The following AFF3 variants were observed in gnomAD, a reference collection of about 807,000 sequenced individuals.
AFF3 encodes the protein AF4/FMR2 family member 3.
Under a neutral mutation model 129.7 loss-of-function variants are expected in AFF3, and 32 were observed. The ratio of observed to expected loss-of-function variants is 0.25; its 90% CI spans 0.19 to 0.33. The LOEUF is 0.33. Ranked by LOEUF, AFF3 falls within the 10% of genes least tolerant of loss-of-function variation. The pLI is 1.00. For synonymous variants in AFF3, 644 were observed against 635.4 expected, an observed-to-expected ratio of 1.01 and a Z score of -0.20; for missense variants, 1,373 against 1,592.0, an observed-to-expected ratio of 0.86 and a Z score of 2.34.
At chr2:100,100,582 C>G (rs1690652265) in intron 4 of AFF3, among the ~76,000 whole-genome samples, 1 of 152,124 alleles carries the variant, frequency 6.6e-6, no homozygotes, top group Admixed American at 6.5e-5. Flanking sequence ...TTCTGAATCA[C>G]CAGTGTTGAA....
chr2:99,870,539 C>T (rs11123802), intron 7 of AFF3, among the ~76,000 whole-genome samples: 76,494 of 152,022 alleles, frequency 0.5, 20,140 homozygotes, highest in African/African-American at 0.65. Flanking sequence ...GCAGACCCCA[C>T]CCCTGTGATC....
At chr2:99,772,476 C>G (rs1317963487) in intron 8 of AFF3, among the ~76,000 whole-genome samples, 1 of 152,204 alleles carries the variant, frequency 6.6e-6, no homozygotes, top group Non-Finnish European at 1.5e-5. Context: ...CAGCTCTTCT[C>G]AGGGAGAGAA....
At chr2:99,720,663 A>C (rs1678809124) in intron 11 of AFF3, among the ~76,000 whole-genome samples, 1 of 152,232 alleles carries the variant, frequency 6.6e-6, no homozygotes, top group Non-Finnish European at 1.5e-5. Context: ...GTTCAGGTTT[A>C]CTATTTTTCA....
chr2:100,071,997 T>A (rs1212200085), intron 4 of AFF3, among the ~76,000 whole-genome samples: 2 of 152,126 alleles, frequency 1.3e-5, no homozygotes, highest in Non-Finnish European at 1.5e-5. Context: ...AATGAAAGCA[T>A]CTCCAAAAAC....
intron 9 of AFF3, among the ~76,000 whole-genome samples, chr2:99,750,133 C>T (rs72817080): frequency 8.5e-4 from 130 of 152,098 alleles, no homozygotes; most frequent in Admixed American, 1.6e-3. Flanking sequence ...TGTAAAAGCA[C>T]ATAAAAAAGG....
At chr2:99,699,466 G>A (rs897567948) in intron 11 of AFF3, among the ~76,000 whole-genome samples, 7 of 152,340 alleles carry the variant, frequency 4.6e-5, no homozygotes, top group African/African-American at 1.7e-4. Context: ...TAAAAGTGGG[G>A]AGAGCAATTC....
At chr2:99,641,652 T>G (rs1397007960) in intron 13 of AFF3, among the ~76,000 whole-genome samples, 1 of 152,156 alleles carries the variant, frequency 6.6e-6, no homozygotes, top group African/African-American at 2.4e-5. Context: ...TACTCCAGCC[T>G]GGGCAACAGA....
At chr2:100,071,022 A>C (rs1243126284) in intron 4 of AFF3, among the ~76,000 whole-genome samples, 1 of 152,204 alleles carries the variant, frequency 6.6e-6, no homozygotes, top group Non-Finnish European at 1.5e-5. Flanking sequence ...TAATATATAA[A>C]AGGACGTGAC....
In AFF3 at chr2:99,714,693, C is replaced by T. The variant is rs376484683; in HGVS notation, c.1091+12384G>A. Among the ~76,000 whole-genome samples, 9 of 152,308 alleles carry T rather than the reference C, an allele frequency of 5.9e-5. No individual in the cohort carries two copies. In the East Asian group the frequency reaches 9.6e-4, roughly 16 times the overall value. On this transcript the variant is annotated intron_variant, in intron 11 of 24. Coordinates refer to ENST00000672756, the MANE Select transcript of AFF3 (RefSeq NM_001386135.1). ...TCTCAAATCGACCTTGATCTCTCAA[C>T]TTCCAGACACTACTCTATGATCAGT...
At chr2:99,695,514 G>T (rs1245663418) in intron 11 of AFF3, among the ~76,000 whole-genome samples, 1 of 152,096 alleles carries the variant, frequency 6.6e-6, no homozygotes, top group Non-Finnish European at 1.5e-5. Flanking sequence ...CCCTTAAACT[G>T]CAGGGGAAAA....
intron 13 of AFF3, among the ~76,000 whole-genome samples, chr2:99,642,406 C>G (rs1412771335): frequency 6.6e-6 from 1 of 152,058 alleles, no homozygotes; most frequent in East Asian, 1.9e-4. Context: ...GGCATGAACA[C>G]CTCTTTGAGC....
intron 7 of AFF3, among the ~76,000 whole-genome samples, chr2:99,953,551 G>C (rs1676358373): frequency 6.6e-6 from 1 of 152,210 alleles, no homozygotes; most frequent in Non-Finnish European, 1.5e-5. Flanking sequence ...ACAAGTCTTA[G>C]AAGATTGTGG....
chr2:99,707,711 T>C (rs956209709), intron 11 of AFF3: 17 of 958,472 alleles, frequency 1.8e-5, no homozygotes, highest in Non-Finnish European at 1.9e-5. Flanking sequence ...TTTTTTTTTT[T>C]TTCTTTTTTT....
At chr2:100,017,234 T>C (rs1323299727) in intron 4 of AFF3, among the ~76,000 whole-genome samples, 1 of 152,130 alleles carries the variant, frequency 6.6e-6, no homozygotes, top group Non-Finnish European at 1.5e-5. Context: ...GTAATTTCAG[T>C]TCTCATGAAT....
chr2:100,090,551 G>GT (rs1342995120), intron 4 of AFF3, among the ~76,000 whole-genome samples: 1 of 152,162 alleles, frequency 6.6e-6, no homozygotes, highest in African/African-American at 2.4e-5. Flanking sequence ...TCTAAAATCT[G>GT]TAATAGCTTG....
chr2:100,121,790 C>T (rs1205196306), intron 2 of AFF3, among the ~76,000 whole-genome samples: 3 of 152,156 alleles, frequency 2.0e-5, no homozygotes, highest in Non-Finnish European at 4.4e-5. Flanking sequence ...TGGCCGGGCG[C>T]GGTGGCTCAC....
chr2:99,742,809 T>C (rs977736848), intron 10 of AFF3, among the ~76,000 whole-genome samples: 10 of 152,250 alleles, frequency 6.6e-5, no homozygotes, highest in Admixed American at 2.0e-4. Flanking sequence ...AGTGAAATAC[T>C]GTAAGTCAGG....
intron 4 of AFF3, among the ~76,000 whole-genome samples, chr2:100,019,442 T>C (rs1292977583): frequency 2.6e-5 from 4 of 152,148 alleles, no homozygotes; most frequent in African/African-American, 9.7e-5. Context: ...CCCAAATGCC[T>C]CATGATAGCT....
intron 13 of AFF3, among the ~76,000 whole-genome samples, chr2:99,632,307 A>G (rs1683197128): frequency 6.6e-6 from 1 of 152,038 alleles, no homozygotes. Context: ...GAGCCACTGC[A>G]CCTGGCCTCA....
Sources: gnomAD v4.1 joint callset for allele counts (sites outside exome capture counted in the v4.1 genomes callset) on GRCh38, gnomAD v4.1.1 for gene constraint, MANE v1.5 for transcripts, NCBI Gene and HGNC (gene_info 2026-07-23, HGNC 2026-07-21) for gene names.